Variants in PTPN6 observed in about 807,000 individuals in gnomAD.
The protein encoded by PTPN6 is tyrosine-protein phosphatase non-receptor type 6.
Under a neutral mutation model 81.5 loss-of-function variants are expected in PTPN6, and 18 were observed. The observed-to-expected ratio is 0.22, with a 90% CI of 0.15 to 0.33. The LOEUF is 0.33. PTPN6 is among the 10% of genes least tolerant of loss of function. PTPN6 has a pLI of 1.00. For missense variants in PTPN6, 500 were observed against 794.2 expected, an observed-to-expected ratio of 0.63 and a Z score of 4.45; for synonymous variants, 301 against 310.9, an observed-to-expected ratio of 0.97 and a Z score of 0.33.
rs1555149397 is a variant in PTPN6, at chr12:6,959,954, C to A, written c.1389C>A (p.Ile463=). Residue 463 remains isoleucine (I), a synonymous_variant, in exon 12 of 16, where the codon ATC becomes ATA. Transcript: ENST00000318974. The surrounding 1 kb of genome is among the most constrained non-coding windows in gnomAD (Gnocchi z 6.6). The part of the protein sequence containing the change: ...CSAGIGRTGT[I]IVIDMLMENI... ...CCGGCATCGGCCGCACAGGCACCAT[C>A]ATTGTCATCGACATGCTCATGGAGA... 6.2e-7 allele frequency: 1 copy of A among 1,601,696 alleles called. No homozygotes were observed. Among genetic ancestry groups the A allele is most frequent in the African/African-American group, 1.3e-5 (1 of 74,180 alleles).
Position 6,952,276 on chromosome 12 carries a change from C to T in PTPN6, c.326+99C>T. 1 of 1,365,320 alleles carries T rather than the reference C, an allele frequency of 7.3e-7. No individual in the cohort carries two copies. Among genetic ancestry groups the T allele is most frequent in the South Asian group, 1.2e-5 (1 of 85,022 alleles). The allele number at this position is 1,365,320 out of a possible 1,614,324, so 84.6% of individuals were successfully genotyped here. On this transcript the variant is annotated intron_variant, in intron 3 of 15. Transcript: ENST00000318974. This position sits in a 1 kb window ranked among gnomAD's most constrained non-coding sequence, Gnocchi z 8.1. ...GGAGACTGGCAGCCGGCGCTGCCTA[C>T]CCTCCATCCCCTCCCCTCCCTGCAC...
chr12:6,956,517 G>A lies in PTPN6; in HGVS notation c.1023G>A (p.Gln341=), dbSNP rs1946034579. ...ATGACTTCTGGCAGATGGCGTGGCA[G>A]GAGAACAGCCGTGTCATCGTCATGA... is the stretch of plus-strand genomic sequence containing the variant. The part of the protein sequence containing the change: ...TVNDFWQMAW[Q]ENSRVIVMTT... The change falls in exon 9 of 16, where the codon CAG becomes CAA. Residue 341 remains glutamine (Q), a synonymous_variant. Coordinates refer to ENST00000318974, the MANE Select transcript of PTPN6 (RefSeq NM_002831.6). This position sits in a 1 kb window ranked among gnomAD's most constrained non-coding sequence, Gnocchi z 4.1. 2 of 1,614,002 alleles carry A rather than the reference G, an allele frequency of 1.2e-6. No individual in the cohort carries two copies. Among genetic ancestry groups the A allele is most frequent in the East Asian group, 4.5e-5 (2 of 44,888 alleles).
intron 11 of PTPN6, among the ~76,000 whole-genome samples, chr12:6,958,456 T>C (rs1364466698): frequency 6.6e-6 from 1 of 152,266 alleles, no homozygotes; most frequent in African/African-American, 2.4e-5. Flanking sequence ...CCCATTCTGT[T>C]GGTTTCTTCT....
rs782082558 is a variant in PTPN6, at chr12:6,955,627, G to A, written c.748-33G>A. The A allele has an allele frequency of 2.5e-6, 4 of 1,604,874 alleles. No individual in the cohort carries two copies. In the African/African-American group the frequency reaches 4.0e-5, roughly 16 times the overall value. On this transcript the variant is annotated intron_variant, in intron 6 of 15. Transcript: ENST00000318974. The surrounding 1 kb of genome is among the most constrained non-coding windows in gnomAD (Gnocchi z 7.2). ...CTCCCCCGATGGATGCCCTCTTTGG[G>A]AGCTGATGCTCATTTCCCCACCCAC...
At position 6,958,055 on chromosome 12, in the gene PTPN6, C is replaced by T; in HGVS notation, c.1343C>T (p.Pro448Leu). The change falls in exon 11 of 16, where the codon CCC becomes CTC. Residue 448 changes from proline to leucine, a missense_variant. This residue lies in a region of PTPN6 where 226 missense variants were observed against 364.4 expected (regional missense o/e 0.62). Transcript: ENST00000318974. ...CAGGAAAGTCTGCCTCACGCAGGGC[C>T]CATCATCGTGCACTGCAGGTGAGGA... ...QRQESLPHAG[P>L]IIVHCSAGIG... 5 of 1,612,104 alleles carry T rather than the reference C, an allele frequency of 3.1e-6. No individual in the cohort carries two copies. The highest frequency in any genetic ancestry group is 3.4e-6 in the Non-Finnish European group (4 of 1,180,012).
In PTPN6 at chr12:6,952,226, C is replaced by T. The variant is rs782155514; in HGVS notation, c.326+49C>T. The T allele has an allele frequency of 6.2e-6, 10 of 1,604,940 alleles. No individual in the cohort carries two copies. In the Admixed American group the frequency reaches 1.2e-4, roughly 19 times the overall value. ...TTCCCAAGCAGGGATGAGCCGGCTC[C>T]CACCCTGAACAGCCAGGGAGGCAGG... On this transcript the variant is annotated intron_variant, in intron 3 of 15. Coordinates refer to ENST00000318974, the MANE Select transcript of PTPN6 (RefSeq NM_002831.6). The surrounding 1 kb of genome is among the most constrained non-coding windows in gnomAD (Gnocchi z 8.1).
Position 6,955,595 on chromosome 12 carries a change from A to G in PTPN6, c.748-65A>G. The G allele has an allele frequency of 6.3e-7, 1 of 1,576,600 alleles. No homozygotes were observed. The highest frequency in any genetic ancestry group is 8.7e-7 in the Non-Finnish European group (1 of 1,146,824). On this transcript the variant is annotated intron_variant, in intron 6 of 15. Transcript: ENST00000318974. The surrounding 1 kb of genome is among the most constrained non-coding windows in gnomAD (Gnocchi z 7.2). ...CCCACCTCTGCTCCTGACCCACCCC[A>G]CGTGAGCTCCCCCGATGGATGCCCT...
At position 6,955,138 on chromosome 12, in the gene PTPN6, T is replaced by C. The variant is rs1555148365; in HGVS notation, c.517-13T>C. On this transcript the variant is annotated splice_polypyrimidine_tract_variant and intron_variant, in intron 4 of 15. Transcript: ENST00000318974. This position sits in a 1 kb window ranked among gnomAD's most constrained non-coding sequence, Gnocchi z 7.2. ...CTCAAGTCCTGTGAATGGCCTAATT[T>C]GGCTCCCCCCAGGGTGGACGCTACA... 6.2e-7 allele frequency: 1 copy of C among 1,613,708 alleles called. No homozygotes were observed. The highest frequency in any genetic ancestry group is 8.5e-7 in the Non-Finnish European group (1 of 1,179,574).
rs782315847 is a variant in PTPN6, at chr12:6,955,502, G to A, written c.747+17G>A. 5.6e-5 allele frequency: 91 copies of A among 1,610,740 alleles called. No individual in the cohort carries two copies. Among genetic ancestry groups the A allele is most frequent in the Admixed American group, 2.2e-4 (13 of 60,008 alleles). ...GAGTTTGAGGTGCATGGTGGGGACC[G>A]GCAGGGCTGGGGCAGCTGAGGTGGT... On this transcript the variant is annotated intron_variant, in intron 6 of 15. Transcript: ENST00000318974. This position sits in a 1 kb window ranked among gnomAD's most constrained non-coding sequence, Gnocchi z 7.2.
rs1946096800 is a variant in PTPN6 at position 6,959,859 on chromosome 12, A to AGC, written c.1362-65_1362-64dup. ...CCTGTGGTGCCTGGGGCTGGAGCTG[A>AGC]GCGCTGGGTACCCCCCTTCCCGGGG... On this transcript the variant is annotated intron_variant, in intron 11 of 15. Coordinates refer to ENST00000318974, the MANE Select transcript of PTPN6 (RefSeq NM_002831.6). The surrounding 1 kb of genome is among the most constrained non-coding windows in gnomAD (Gnocchi z 6.6). 1.3e-6 allele frequency: 2 copies of AGC among 1,546,598 alleles called. No individual in the cohort carries two copies. Among genetic ancestry groups the AGC allele is most frequent in the Non-Finnish European group, 1.8e-6 (2 of 1,123,452 alleles).
chr12:6,950,290 T>A (rs1446498965), upstream of PTPN6, among the ~76,000 whole-genome samples: 1 of 151,968 alleles, frequency 6.6e-6, no homozygotes, highest in African/African-American at 2.4e-5. Context: ...TTTCCCTCCC[T>A]AGGGGAAGCC....
chr12:6,952,844 G>T lies in PTPN6; in HGVS notation c.326+667G>T. 1 of 155,342 alleles carries T rather than the reference G, an allele frequency of 6.4e-6. No individual in the cohort carries two copies. The allele number at this position is 155,342 out of a possible 1,614,324, so 9.6% of individuals were successfully genotyped here. On this transcript the variant is annotated intron_variant, in intron 3 of 15. Transcript: ENST00000318974. This position sits in a 1 kb window ranked among gnomAD's most constrained non-coding sequence, Gnocchi z 8.1. Reference sequence around the variant, plus strand: ...CTCCTGTGGTCTCCCAAAGGCATGGGCTGGGGGCTGGGGGCTCTGAATGCT... The same window carrying T: ...CTCCTGTGGTCTCCCAAAGGCATGGTCTGGGGGCTGGGGGCTCTGAATGCT...
chr12:6,960,635 T>A lies in PTPN6; in HGVS notation c.1674-171T>A. 7 of 1,532,272 alleles carry A rather than the reference T, an allele frequency of 4.6e-6. No homozygotes were observed. Among genetic ancestry groups the A allele is most frequent in the Non-Finnish European group, 6.2e-6 (7 of 1,130,114 alleles). 94.9% of individuals were successfully genotyped at this position (1,532,272 alleles called of 1,614,324 possible). On this transcript the variant is annotated intron_variant, in intron 14 of 15. Coordinates refer to ENST00000318974, the MANE Select transcript of PTPN6 (RefSeq NM_002831.6). The surrounding 1 kb of genome is among the most constrained non-coding windows in gnomAD (Gnocchi z 6.1). ...CTGCTAGGTACCAGCAGCGCACTCG[T>A]GTATGAGATGTAGCCTCTGTCCTCT... is the stretch of plus-strand genomic sequence containing the variant.
chr12:6,946,889 C>T (rs983864012), upstream of PTPN6: 1 of 876,790 alleles, frequency 1.1e-6, no homozygotes, highest in Admixed American at 2.0e-5. Context: ...TTCCCCTTCC[C>T]GCAAGGTGTG....
At position 6,957,593 on chromosome 12, in the gene PTPN6, C is replaced by T. The variant is rs782198051; in HGVS notation, c.1075-61C>T. 9.9e-4 allele frequency: 1,582 copies of T among 1,590,498 alleles called. 5 individuals are homozygous for T. Among genetic ancestry groups the T allele is most frequent in the Non-Finnish European group, 4.0e-4 (470 of 1,166,124 alleles). ...CAGGCACTCAGAACATAGAGCAGGA[C>T]CTGGGATGGGCCACAGTGCCCTGCT... On this transcript the variant is annotated intron_variant, in intron 9 of 15. Coordinates refer to ENST00000318974, the MANE Select transcript of PTPN6 (RefSeq NM_002831.6). This position sits in a 1 kb window ranked among gnomAD's most constrained non-coding sequence, Gnocchi z 6.5.
intron 11 of PTPN6, among the ~76,000 whole-genome samples, chr12:6,958,294 C>G (rs782276811): frequency 7.2e-5 from 11 of 152,216 alleles, no homozygotes; most frequent in Non-Finnish European, 1.6e-4. Context: ...TTCCTCAGAG[C>G]CCTCTCCGGA....
Position 6,959,666 on chromosome 12 carries a change from G to C in PTPN6, c.1362-261G>C. 1.7e-6 allele frequency: 1 copy of C among 584,432 alleles called. No homozygotes were observed. The highest frequency in any genetic ancestry group is 2.0e-5 in the South Asian group (1 of 50,728). The allele number at this position is 584,432 out of a possible 1,614,324, so 36.2% of individuals were successfully genotyped here. A position where few individuals can be genotyped will look rare whatever the true frequency, so the allele number is the denominator to read the frequency against. ...GGCAGCCACTCACTAGGAGTGAGGA[G>C]TCGGCGCGAGGAGTGGAGGAGGGAA... On this transcript the variant is annotated intron_variant, in intron 11 of 15. Coordinates refer to ENST00000318974, the MANE Select transcript of PTPN6 (RefSeq NM_002831.6). The surrounding 1 kb of genome is among the most constrained non-coding windows in gnomAD (Gnocchi z 6.6).
chr12:6,955,355 G>A lies in PTPN6; in HGVS notation c.634-17G>A, dbSNP rs371829165. 205 of 1,613,154 alleles carry A rather than the reference G, an allele frequency of 1.3e-4. No individual in the cohort carries two copies. Among genetic ancestry groups the A allele is most frequent in the Non-Finnish European group, 1.6e-4 (189 of 1,179,306 alleles). ...GGGATCTCTGAGTTGCTGACTTCTC[G>A]CTCTTCCCCACCCCAGCCGTACTAT... On this transcript the variant is annotated splice_polypyrimidine_tract_variant and intron_variant, in intron 5 of 15. Coordinates refer to ENST00000318974, the MANE Select transcript of PTPN6 (RefSeq NM_002831.6). This position sits in a 1 kb window ranked among gnomAD's most constrained non-coding sequence, Gnocchi z 7.2.
Position 6,959,421 on chromosome 12 carries a change from C to G in PTPN6, c.1362-506C>G, listed in dbSNP as rs1490226782. 1 of 210,388 alleles carries G rather than the reference C, an allele frequency of 4.8e-6. No individual in the cohort carries two copies. Among genetic ancestry groups the G allele is most frequent in the Non-Finnish European group, 9.9e-6 (1 of 101,092 alleles). 13.0% of individuals were successfully genotyped at this position (210,388 alleles called of 1,614,324 possible). On this transcript the variant is annotated intron_variant, in intron 11 of 15. Transcript: ENST00000318974. This position sits in a 1 kb window ranked among gnomAD's most constrained non-coding sequence, Gnocchi z 6.6. ...AGGGCTGGGAAAGGAGAGAAACTTC[C>G]TACTGCACTGCTCCCCTGAGTCCCC...
Sources: allele counts gnomAD v4.1 joint callset (sites outside exome capture counted in the v4.1 genomes callset), GRCh38; gene constraint gnomAD v4.1.1; regional missense constraint gnomAD v4.1.1; non-coding constraint Gnocchi (gnomAD v3.1); transcripts MANE v1.5; gene names NCBI Gene and HGNC (gene_info 2026-07-23, HGNC 2026-07-21).